MAGI2: variants seen among roughly 807,000 people sequenced by gnomAD.
MAGI2 encodes the protein membrane-associated guanylate kinase, WW and PDZ domain-containing protein 2.
MAGI2 carries 35 observed loss-of-function variants against 133.3 expected under a neutral mutation model. The observed-to-expected ratio is 0.26, with a 90% CI of 0.20 to 0.35. The LOEUF (loss-of-function observed/expected upper bound fraction) is 0.35, where lower values mean the gene tolerates loss of function less well. Among genes scored for constraint, MAGI2 ranks in the 10% least tolerant of loss-of-function variants. The pLI, the probability that MAGI2 is intolerant of heterozygous loss-of-function variation, is 1.00. For missense variants in MAGI2, 1,636 were observed against 1,863.4 expected (o/e 0.88, Z 2.25); for synonymous variants, 729 against 710.6 (o/e 1.03, Z -0.41).
chr7:78,638,402 C>A (rs1809906353), intron 2 of MAGI2, among the ~76,000 whole-genome samples: 2 of 152,234 alleles, frequency 1.3e-5, no homozygotes, highest in South Asian at 4.1e-4. Context: ...CATTCCTTCA[C>A]ACCAAAGTCC....
chr7:79,077,968 TGTA>T (rs1225420000), intron 1 of MAGI2, among the ~76,000 whole-genome samples: 1 of 152,194 alleles, frequency 6.6e-6, no homozygotes, highest in Non-Finnish European at 1.5e-5. Context: ...TGGGACAAAA[TGTA>T]GTATCAATTT....
intron 1 of MAGI2, among the ~76,000 whole-genome samples, chr7:79,392,511 C>T (rs1257773620): frequency 6.6e-6 from 1 of 152,174 alleles, no homozygotes; most frequent in African/African-American, 2.4e-5. Flanking sequence ...CACAGCCTCG[C>T]CAGCATCTTT....
chr7:78,454,254 C>T (rs565022924), intron 6 of MAGI2, among the ~76,000 whole-genome samples: 1 of 152,286 alleles, frequency 6.6e-6, no homozygotes, highest in East Asian at 1.9e-4. Flanking sequence ...TTGCATCAGG[C>T]TTTTGATACA....
Position 78,329,324 on chromosome 7 carries a change from T to C in MAGI2, c.1408+14454A>G, listed in dbSNP as rs145156621. 7.0e-4 allele frequency among the ~76,000 whole-genome samples: 106 copies of C among 152,332 alleles called. 2 individuals carry two copies. Among genetic ancestry groups the C allele is most frequent in the South Asian group, 1.9e-3 (9 of 4,828 alleles). Reference sequence around the variant, plus strand: ...AAACAAAGGTCTGCATGGTAATTTATCTCCTATTGACTTCAATGAAGTCTC... The same window carrying C: ...AAACAAAGGTCTGCATGGTAATTTACCTCCTATTGACTTCAATGAAGTCTC... On this transcript the variant is annotated intron_variant, in intron 9 of 21. Transcript: ENST00000354212.
chr7:78,591,932 T>A (rs1314782232), intron 3 of MAGI2, among the ~76,000 whole-genome samples: 1 of 152,190 alleles, frequency 6.6e-6, no homozygotes, highest in African/African-American at 2.4e-5. Flanking sequence ...TCTTGAAAAC[T>A]TTTTTAAAAA....
intron 1 of MAGI2, among the ~76,000 whole-genome samples, chr7:79,032,234 G>C (rs13438061): frequency 0.28 from 42,995 of 151,976 alleles, 6,210 homozygotes; most frequent in Middle Eastern, 0.36. Context: ...AAGACCACAG[G>C]GGCCAGGCAC....
chr7:78,685,416 A>G (rs1422799039), intron 2 of MAGI2, among the ~76,000 whole-genome samples: 3 of 151,318 alleles, frequency 2.0e-5, no homozygotes, highest in Non-Finnish European at 4.4e-5. Context: ...TTGTTTTCTA[A>G]GAATTTTATC....
chr7:78,264,755 G>A (rs1314047082), intron 9 of MAGI2, among the ~76,000 whole-genome samples: 1 of 152,188 alleles, frequency 6.6e-6, no homozygotes, highest in East Asian at 1.9e-4. Flanking sequence ...AAATGCAGAA[G>A]TCAGAAAAGA....
chr7:79,116,814 CT>C (rs1819452622), intron 1 of MAGI2, among the ~76,000 whole-genome samples: 1 of 152,158 alleles, frequency 6.6e-6, no homozygotes, highest in East Asian at 1.9e-4. Context: ...CTTGCTCCCC[CT>C]GTCACCATAT....
chr7:78,929,093 T>C (rs1050643121), intron 2 of MAGI2, among the ~76,000 whole-genome samples: 13 of 152,092 alleles, frequency 8.5e-5, no homozygotes, highest in African/African-American at 3.1e-4. Flanking sequence ...TGGAATAGAA[T>C]AGCTAATGCT....
At chr7:79,277,316 T>C (rs1035272948) in intron 1 of MAGI2, among the ~76,000 whole-genome samples, 11 of 152,188 alleles carry the variant, frequency 7.2e-5, no homozygotes, top group Non-Finnish European at 1.5e-4. Context: ...TAAAATTTTT[T>C]AGTTAAAATA....
rs551123218 is a variant in MAGI2 at position 78,551,710 on chromosome 7, G to A, written c.539-30065C>T. Among the ~76,000 whole-genome samples, 111 of 152,148 alleles carry A rather than the reference G, an allele frequency of 7.3e-4. 1 individual carries two copies. Among genetic ancestry groups the A allele is most frequent in the Non-Finnish European group, 8.2e-4 (56 of 68,026 alleles). On this transcript the variant is annotated intron_variant, in intron 3 of 21. Coordinates refer to ENST00000354212, the MANE Select transcript of MAGI2 (RefSeq NM_012301.4). ...GAAAGTTTAAAATAAATTCCAACAC[G>A]AAGTATAAGTGGCTTTTACCAGTTT...
intron 3 of MAGI2, among the ~76,000 whole-genome samples, chr7:78,537,127 A>G (rs1227387652): frequency 6.6e-6 from 1 of 151,112 alleles, no homozygotes; most frequent in East Asian, 2.0e-4. Flanking sequence ...GTTGCTGGGA[A>G]TGCCATTATT....
At chr7:78,175,068 C>G (rs569322506) in intron 14 of MAGI2, among the ~76,000 whole-genome samples, 2 of 152,300 alleles carry the variant, frequency 1.3e-5, no homozygotes, top group Non-Finnish European at 2.9e-5. Context: ...TCACTACAAT[C>G]AAACCATAAT....
chr7:78,318,326 A>C (rs1787640425), intron 9 of MAGI2, among the ~76,000 whole-genome samples: 1 of 152,226 alleles, frequency 6.6e-6, no homozygotes, highest in Non-Finnish European at 1.5e-5. Flanking sequence ...TCATGAAGCA[A>C]ACACAAGTAT....
At chr7:78,808,057 A>C (rs116691011) in intron 2 of MAGI2, among the ~76,000 whole-genome samples, 1,769 of 152,234 alleles carry the variant, frequency 0.012, 33 homozygotes, top group African/African-American at 0.04. Context: ...TGAGCTGTTA[A>C]TGATCGACTA....
At chr7:79,256,523 AC>A (rs1833697679) in intron 1 of MAGI2, among the ~76,000 whole-genome samples, 2 of 106,824 alleles carry the variant, frequency 1.9e-5, no homozygotes, top group African/African-American at 7.5e-5. Flanking sequence ...AGAGTCTTAT[AC>A]TGTCACCCAG....
chr7:79,139,281 G>A (rs1271784888), intron 1 of MAGI2, among the ~76,000 whole-genome samples: 2 of 152,192 alleles, frequency 1.3e-5, no homozygotes, highest in Non-Finnish European at 2.9e-5. Context: ...TAATCTAATA[G>A]TTAGGATTTC....
intron 2 of MAGI2, among the ~76,000 whole-genome samples, chr7:78,991,262 T>A (rs1805746211): frequency 6.6e-6 from 1 of 150,390 alleles, no homozygotes. Context: ...TTTTATAAAT[T>A]ATTCAGTTTC....
Sources: gnomAD v4.1 joint callset for allele counts (sites outside exome capture counted in the v4.1 genomes callset) on GRCh38, gnomAD v4.1.1 for gene constraint, MANE v1.5 for transcripts, NCBI Gene and HGNC (gene_info 2026-07-23, HGNC 2026-07-21) for gene names.